APBB2: variants seen among roughly 807,000 people sequenced by gnomAD.
APBB2 encodes the protein Fe65-like 1.
Under a neutral mutation model 82.5 loss-of-function variants are expected in APBB2, and 38 were observed. The ratio of observed to expected loss-of-function variants is 0.46; its 90% CI spans 0.36 to 0.60. The LOEUF (loss-of-function observed/expected upper bound fraction) is 0.60, where lower values mean the gene tolerates loss of function less well. Among genes scored for constraint, APBB2 ranks in the 20% least tolerant of loss-of-function variants. The pLI is 0.00. For synonymous variants in APBB2, 341 were observed against 368.2 expected (o/e 0.93, Z 0.85); for missense variants, 772 against 972.3 (o/e 0.79, Z 2.74).
intron 1 of APBB2, among the ~76,000 whole-genome samples, chr4:41,154,918 C>T (rs1028323247): frequency 6.6e-5 from 10 of 152,154 alleles, no homozygotes; most frequent in Admixed American, 2.0e-4. Context: ...TCCATGCAAT[C>T]CCTGGCTGGA....
chr4:41,143,905 G>A (rs1045584165), intron 1 of APBB2, among the ~76,000 whole-genome samples: 1 of 152,234 alleles, frequency 6.6e-6, no homozygotes, highest in Non-Finnish European at 1.5e-5. Flanking sequence ...CAAACATGTG[G>A]CCTAGCCCAC....
At chr4:41,055,282 C>T (rs977676716) in intron 4 of APBB2, among the ~76,000 whole-genome samples, 1 of 152,206 alleles carries the variant, frequency 6.6e-6, no homozygotes, top group Non-Finnish European at 1.5e-5. Flanking sequence ...CTCTTCATTC[C>T]TCCATAGCAG....
chr4:40,831,983 C>T (rs530900878), intron 12 of APBB2, among the ~76,000 whole-genome samples: 4 of 146,436 alleles, frequency 2.7e-5, no homozygotes, highest in African/African-American at 1.0e-4. Flanking sequence ...AGTGTTTTTA[C>T]ACACACACAT....
chr4:40,976,962 T>G (rs931619492), intron 6 of APBB2, among the ~76,000 whole-genome samples: 4 of 151,992 alleles, frequency 2.6e-5, no homozygotes, highest in Non-Finnish European at 5.9e-5. Flanking sequence ...GGTGGGAGGA[T>G]CACTTGAGCC....
chr4:41,072,312 T>A (rs541429552), intron 3 of APBB2, among the ~76,000 whole-genome samples: 1 of 152,330 alleles, frequency 6.6e-6, no homozygotes, highest in East Asian at 1.9e-4. Flanking sequence ...CAGAAGCTTC[T>A]GAGGCAACAG....
chr4:40,930,074 G>C (rs1312995437), intron 10 of APBB2, among the ~76,000 whole-genome samples: 30 of 152,130 alleles, frequency 2.0e-4, no homozygotes. Flanking sequence ...CCTAGGCTGG[G>C]TCCTGGAACA....
chr4:41,162,813 C>T (rs1166729407), intron 1 of APBB2, among the ~76,000 whole-genome samples: 1 of 152,184 alleles, frequency 6.6e-6, no homozygotes, highest in Non-Finnish European at 1.5e-5. Flanking sequence ...GAGCTCTGAT[C>T]ACACCACTTC....
At position 40,812,199 on chromosome 4, in the gene APBB2, T is replaced by G. The variant is rs1223614963; in HGVS notation, c.*3893A>C. 1.3e-5 allele frequency: 2 copies of G among 152,236 alleles called. No homozygotes were observed. The highest frequency in any genetic ancestry group is 4.8e-5 in the African/African-American group (2 of 41,458). The allele number at this position is 152,236 out of a possible 1,614,324, so 9.4% of individuals were successfully genotyped here. On this transcript the variant is annotated 3_prime_UTR_variant, in exon 18 of 18. Coordinates refer to ENST00000508593, the MANE Select transcript of APBB2 (RefSeq NM_004307.2). ...AATGCTCCATTACTAAAGTGATTTCTAAGAAGTCTGAGGTAAGAATAATTT... is the reference window on the plus strand; with the variant it reads ...AATGCTCCATTACTAAAGTGATTTCGAAGAAGTCTGAGGTAAGAATAATTT...
At chr4:41,069,241 C>T (rs1732998719) in intron 3 of APBB2, among the ~76,000 whole-genome samples, 1 of 152,200 alleles carries the variant, frequency 6.6e-6, no homozygotes, top group Non-Finnish European at 1.5e-5. Flanking sequence ...GCACCTGCCA[C>T]TGAGACTTCC....
intron 6 of APBB2, among the ~76,000 whole-genome samples, chr4:40,949,127 G>A (rs926341435): frequency 2.6e-5 from 4 of 151,926 alleles, no homozygotes; most frequent in Non-Finnish European, 4.4e-5. Flanking sequence ...AAAATTAGTC[G>A]GGCATGGTGG....
chr4:41,143,873 A>AT (rs1218163167), intron 1 of APBB2, among the ~76,000 whole-genome samples: 2 of 152,242 alleles, frequency 1.3e-5, no homozygotes, highest in Non-Finnish European at 2.9e-5. Flanking sequence ...GGGCAAAAGG[A>AT]ATCCCTTAAC....
intron 1 of APBB2, among the ~76,000 whole-genome samples, chr4:41,163,746 C>T (rs984184522): frequency 1.3e-5 from 2 of 152,136 alleles, no homozygotes; most frequent in Admixed American, 1.3e-4. Flanking sequence ...TCTCTGAGGC[C>T]TTCCATACTC....
intron 1 of APBB2, among the ~76,000 whole-genome samples, chr4:41,212,430 C>G (rs541964501): frequency 5.3e-5 from 8 of 152,266 alleles, no homozygotes; most frequent in Non-Finnish European, 1.0e-4. Flanking sequence ...GCCTCAAACT[C>G]CTAGGCTCAA....
intron 6 of APBB2, among the ~76,000 whole-genome samples, chr4:40,973,040 T>G (rs1796336267): frequency 6.6e-6 from 1 of 152,232 alleles, no homozygotes; most frequent in African/African-American, 2.4e-5. Flanking sequence ...GATTCTTTCC[T>G]TCCCATAAAC....
chr4:41,037,882 G>C (rs1579451270), intron 4 of APBB2, among the ~76,000 whole-genome samples: 1 of 152,088 alleles, frequency 6.6e-6, no homozygotes. Context: ...CCAGTGTGCT[G>C]CATGCTAGAA....
At chr4:40,943,420 T>A (rs1280878623) in intron 7 of APBB2, among the ~76,000 whole-genome samples, 1 of 152,090 alleles carries the variant, frequency 6.6e-6, no homozygotes, top group East Asian at 1.9e-4. Flanking sequence ...AGAAAAGGTG[T>A]ACAAATAAGA....
chr4:41,076,847 G>C (rs947754178), intron 3 of APBB2, among the ~76,000 whole-genome samples: 22 of 152,194 alleles, frequency 1.4e-4, no homozygotes, highest in African/African-American at 5.1e-4. Context: ...AAGCAATAAA[G>C]AATGGATGCT....
rs768951831 is a variant in APBB2 at position 40,944,785 on chromosome 4, G to T, written c.1044+80C>A. On this transcript the variant is annotated intron_variant, in intron 7 of 17. Coordinates refer to ENST00000508593, the MANE Select transcript of APBB2 (RefSeq NM_004307.2). ...AAAAAGCTTACCTTGATGACCTGTTGGGGCAGAAGCAACCAGTGTAAAGAG... is the reference window on the plus strand; with the variant it reads ...AAAAAGCTTACCTTGATGACCTGTTTGGGCAGAAGCAACCAGTGTAAAGAG... The T allele has an allele frequency of 7.0e-5, 99 of 1,411,152 alleles. 1 individual carries two copies. The highest frequency in any genetic ancestry group is 9.8e-5 in the Non-Finnish European group (98 of 1,004,678). The allele number at this position is 1,411,152 out of a possible 1,614,324, so 87.4% of individuals were successfully genotyped here. A position where few individuals can be genotyped will look rare whatever the true frequency, so the allele number is the denominator to read the frequency against.
At position 40,967,590 on chromosome 4, in the gene APBB2, C is replaced by T. The variant is rs887365426; in HGVS notation, c.836-22517G>A. Among the ~76,000 whole-genome samples, 4 of 152,330 alleles carry T rather than the reference C, an allele frequency of 2.6e-5. No individual in the cohort carries two copies. The South Asian group carries it at 8.3e-4, about 32-fold the overall frequency. ...GTACCCATGCCAGCACCTGGAGCTG[C>T]CTGCCCCACCACAGCTAGGTATGCC... On this transcript the variant is annotated intron_variant, in intron 6 of 17. Transcript: ENST00000508593.
Sources: gnomAD v4.1 joint callset for allele counts (sites outside exome capture counted in the v4.1 genomes callset) on GRCh38, gnomAD v4.1.1 for gene constraint, MANE v1.5 for transcripts, NCBI Gene and HGNC (gene_info 2026-07-23, HGNC 2026-07-21) for gene names.